The following RIMKLA variants were observed in gnomAD, a reference collection of about 807,000 sequenced individuals.
RIMKLA encodes the protein N-acetylaspartylglutamate synthase A.
A neutral mutation model predicts 32.7 loss-of-function variants in RIMKLA; 14 were observed. The ratio of observed to expected loss-of-function variants is 0.43; its 90% CI spans 0.28 to 0.67. The LOEUF (loss-of-function observed/expected upper bound fraction) is 0.67, where lower values mean the gene tolerates loss of function less well. RIMKLA is among the 30% of genes least tolerant of loss of function. The pLI is 0.18. For missense variants in RIMKLA, 410 were observed against 519.0 expected (o/e 0.79, Z 2.04); for synonymous variants, 176 against 204.1 (o/e 0.86, Z 1.18).
At chr1:42,405,664 C>CA (rs1474926672) in intron 3 of RIMKLA, among the ~76,000 whole-genome samples, 3 of 152,086 alleles carry the variant, frequency 2.0e-5, no homozygotes, top group Non-Finnish European at 4.4e-5. Flanking sequence ...AACAAAAAAA[C>CA]AAAAACAAAC....
chr1:42,417,454 A>G lies in RIMKLA; in HGVS notation c.*2480A>G, dbSNP rs1643258534. The stretch of plus-strand genomic sequence containing the variant: ...GGCCTGCTGAAGGAACATGGGGTGT[A>G]GAGCCAGAGCCTGGTTCTGGTTCTC... On this transcript the variant is annotated 3_prime_UTR_variant, in exon 5 of 5. Coordinates refer to ENST00000431473, the MANE Select transcript of RIMKLA (RefSeq NM_173642.4). 1 of 152,262 alleles carries G rather than the reference A, an allele frequency of 6.6e-6. No individual in the cohort carries two copies. The highest frequency in any genetic ancestry group is 2.1e-4 in the South Asian group (1 of 4,834). The allele number at this position is 152,262 out of a possible 1,614,324, so 9.4% of individuals were successfully genotyped here.
At chr1:42,403,591 C>T (rs1412402310) in intron 2 of RIMKLA, among the ~76,000 whole-genome samples, 5 of 152,230 alleles carry the variant, frequency 3.3e-5, no homozygotes, top group African/African-American at 1.2e-4. Flanking sequence ...TATGGTGGAG[C>T]CAGTTCAGGC....
rs572227538 is a variant in RIMKLA, at chr1:42,399,331, T to G, written c.164-73T>G. 4.1e-5 allele frequency: 46 copies of G among 1,120,380 alleles called. No homozygotes were observed. In the South Asian group the frequency reaches 6.9e-4, roughly 17 times the overall value. 69.4% of individuals were successfully genotyped at this position (1,120,380 alleles called of 1,614,324 possible). ...TCCTACTAGGTTCAGTCTTGAAGAG[T>G]CTGTTGGAACCATTTCTTCTGGTGG... is the stretch of plus-strand genomic sequence containing the variant. On this transcript the variant is annotated intron_variant, in intron 1 of 4. Transcript: ENST00000431473.
At chr1:42,412,064 G>A (rs921337762) in intron 4 of RIMKLA, among the ~76,000 whole-genome samples, 1 of 152,070 alleles carries the variant, frequency 6.6e-6, no homozygotes, top group Non-Finnish European at 1.5e-5. Flanking sequence ...CCATTCATTA[G>A]TAACCACGTG....
intron 4 of RIMKLA, among the ~76,000 whole-genome samples, chr1:42,412,945 C>T (rs1643212783): frequency 1.3e-5 from 2 of 151,954 alleles, no homozygotes; most frequent in South Asian, 4.1e-4. Context: ...ATCATCCTGG[C>T]CAAGGTGGTG....
In RIMKLA at chr1:42,421,615, C is replaced by T. The variant is rs1329533536; in HGVS notation, c.*6641C>T. On this transcript the variant is annotated 3_prime_UTR_variant, in exon 5 of 5. Coordinates refer to ENST00000431473, the MANE Select transcript of RIMKLA (RefSeq NM_173642.4). The surrounding 1 kb of genome is among the most constrained non-coding windows in gnomAD (Gnocchi z 4.6). The stretch of plus-strand genomic sequence containing the variant: ...CATTCTGCAGAGCTGATAACGGTCA[C>T]TGTGGAGGCAGGACTAGGCGGGTGC... 1 of 152,306 alleles carries T rather than the reference C, an allele frequency of 6.6e-6. No individual in the cohort carries two copies. The highest frequency in any genetic ancestry group is 1.5e-5 in the Non-Finnish European group (1 of 68,164). 9.4% of individuals were successfully genotyped at this position (152,306 alleles called of 1,614,324 possible). A position where few individuals can be genotyped will look rare whatever the true frequency, so the allele number is the denominator to read the frequency against.
chr1:42,412,764 G>T, intron 4 of RIMKLA: 1 of 335,838 alleles, frequency 3.0e-6, no homozygotes, highest in South Asian at 2.4e-5. Flanking sequence ...ATGCTCTTGA[G>T]AGCATCAGCC....
At chr1:42,387,039 C>T (rs1251481797) in intron 1 of RIMKLA, among the ~76,000 whole-genome samples, 1 of 150,260 alleles carries the variant, frequency 6.7e-6, no homozygotes, top group South Asian at 2.1e-4. Flanking sequence ...TGCCCTCTAC[C>T]CTGGGCAACA....
chr1:42,410,045 C>T lies in RIMKLA; in HGVS notation c.543C>T (p.Arg181=). 1 of 1,614,150 alleles carries T rather than the reference C, an allele frequency of 6.2e-7. No individual in the cohort carries two copies. The highest frequency in any genetic ancestry group is 8.5e-7 in the Non-Finnish European group (1 of 1,180,008). Residue 181 remains arginine, a synonymous_variant, in exon 4 of 5, where the codon CGC becomes CGT. Transcript: ENST00000431473. ...HHLSDICHLI[R]HDVPYLFQKY... is the part of the protein sequence containing the mutation. The stretch of plus-strand genomic sequence containing the variant: ...TCTCTGACATCTGCCATCTGATCCG[C>T]CACGATGTGCCCTACCTGTTCCAGA...
intron 3 of RIMKLA, among the ~76,000 whole-genome samples, chr1:42,406,785 T>C (rs1391328928): frequency 6.6e-6 from 1 of 152,246 alleles, no homozygotes; most frequent in Non-Finnish European, 1.5e-5. Flanking sequence ...ACTAATGATG[T>C]TGAACATCTT....
chr1:42,401,304 AG>A (rs1225644298), intron 2 of RIMKLA, among the ~76,000 whole-genome samples: 1 of 152,110 alleles, frequency 6.6e-6, no homozygotes, highest in Non-Finnish European at 1.5e-5. Flanking sequence ...GCCTGTTATT[AG>A]GGTTGGGGAC....
Position 42,386,713 on chromosome 1 carries a change from T to TAA in RIMKLA, c.163+5629_163+5630dup, listed in dbSNP as rs34046316. On this transcript the variant is annotated intron_variant, in intron 1 of 4. Transcript: ENST00000431473. ...CAACATGGTGAAACCCCGTCTCTAC[T>TAA]AAAAAAAAAAAAAATACAAAAATTA... 6.4e-3 allele frequency among the ~76,000 whole-genome samples: 893 copies of TAA among 140,026 alleles called. 8 individuals are homozygous for TAA. Among genetic ancestry groups the TAA allele is most frequent in the African/African-American group, 0.021 (787 of 37,788 alleles). The allele number at this position is 140,026 out of a possible 152,430, so 91.9% of individuals were successfully genotyped here. A position where few individuals can be genotyped will look rare whatever the true frequency, so the allele number is the denominator to read the frequency against.
chr1:42,385,005 T>A (rs1042084390), intron 1 of RIMKLA, among the ~76,000 whole-genome samples: 8 of 152,216 alleles, frequency 5.3e-5, no homozygotes, highest in Admixed American at 2.0e-4. Context: ...AGTCCCTCTC[T>A]TCCATCTGCT....
chr1:42,403,828 AC>A (rs1351470043), intron 2 of RIMKLA, among the ~76,000 whole-genome samples: 4 of 152,170 alleles, frequency 2.6e-5, no homozygotes, highest in African/African-American at 9.7e-5. Context: ...TTGTGGTCTT[AC>A]CTGAAGTTTG....
At chr1:42,392,119 T>A (rs1273911430) in intron 1 of RIMKLA, among the ~76,000 whole-genome samples, 3 of 152,202 alleles carry the variant, frequency 2.0e-5, no homozygotes, top group Non-Finnish European at 4.4e-5. Flanking sequence ...ATTATGAATT[T>A]ATTAGTTTTC....
At chr1:42,388,717 C>T (rs1222708562) in intron 1 of RIMKLA, among the ~76,000 whole-genome samples, 1 of 151,846 alleles carries the variant, frequency 6.6e-6, no homozygotes, top group Non-Finnish European at 1.5e-5. Context: ...GGGGTTTCAC[C>T]ATCTTGGCCA....
At chr1:42,399,795 G>A (rs1643081396) in intron 2 of RIMKLA, among the ~76,000 whole-genome samples, 161 bp downstream of exon 2, 1 of 152,096 alleles carries the variant, frequency 6.6e-6, no homozygotes, top group Non-Finnish European at 1.5e-5. Context: ...AAATGCCTTG[G>A]CGTCTTCCCT....
In RIMKLA at chr1:42,416,423, C is replaced by G. The variant is rs1212297655; in HGVS notation, c.*1449C>G. 3 of 152,132 alleles carry G rather than the reference C, an allele frequency of 2.0e-5. No homozygotes were observed. The highest frequency in any genetic ancestry group is 7.2e-5 in the African/African-American group (3 of 41,412). 9.4% of individuals were successfully genotyped at this position (152,132 alleles called of 1,614,324 possible). A position where few individuals can be genotyped will look rare whatever the true frequency, so the allele number is the denominator to read the frequency against. ...GTGTTTTATCCAACCCCTCCTCCTGCCCACCAAGATCATCCTGAGCTGCTT... is the reference window on the plus strand; with the variant it reads ...GTGTTTTATCCAACCCCTCCTCCTGGCCACCAAGATCATCCTGAGCTGCTT... On this transcript the variant is annotated 3_prime_UTR_variant, in exon 5 of 5. Coordinates refer to ENST00000431473, the MANE Select transcript of RIMKLA (RefSeq NM_173642.4).
chr1:42,415,056 AT>A lies in RIMKLA; in HGVS notation c.*85del. 1 of 1,402,656 alleles carries A rather than the reference AT, an allele frequency of 7.1e-7. No homozygotes were observed. Among genetic ancestry groups the A allele is most frequent in the Non-Finnish European group, 9.6e-7 (1 of 1,043,240 alleles). 86.9% of individuals were successfully genotyped at this position (1,402,656 alleles called of 1,614,324 possible). A position where few individuals can be genotyped will look rare whatever the true frequency, so the allele number is the denominator to read the frequency against. ...AGTGAATAAAATCTGGACTAATGTG[AT>A]TTCATTTGCACAGAAACTAGAAATC... On this transcript the variant is annotated 3_prime_UTR_variant, in exon 5 of 5. Transcript: ENST00000431473.
Sources: gnomAD v4.1 joint callset for allele counts (sites outside exome capture counted in the v4.1 genomes callset) on GRCh38, gnomAD v4.1.1 for gene constraint, Gnocchi (gnomAD v3.1) non-coding constraint, MANE v1.5 for transcripts, NCBI Gene and HGNC (gene_info 2026-07-23, HGNC 2026-07-21) for gene names.